Variants in KHDRBS3 observed in about 807,000 individuals in gnomAD.
The protein encoded by KHDRBS3 is KH RNA binding domain containing, signal transduction associated 3, also known as KH domain-containing, RNA-binding, signal transduction-associated protein 3.
KHDRBS3 carries 23 observed loss-of-function variants against 45.6 expected under a neutral mutation model. The observed-to-expected ratio is 0.50, with a 90% CI of 0.36 to 0.72. KHDRBS3 has a LOEUF of 0.72. KHDRBS3 is among the 30% of genes least tolerant of loss of function. The pLI, the probability that KHDRBS3 is intolerant of heterozygous loss-of-function variation, is 0.00. For missense variants in KHDRBS3, 352 were observed against 424.8 expected, an observed-to-expected ratio of 0.83 and a Z score of 1.51; for synonymous variants, 162 against 156.5, an observed-to-expected ratio of 1.04 and a Z score of -0.26.
chr8:135,458,720 T>A, intron 1 of KHDRBS3: 1 of 374,770 alleles, frequency 2.7e-6, no homozygotes, highest in East Asian at 7.3e-5. Context: ...GGTGGCTGGC[T>A]TGAGGTTCGG....
At chr8:135,590,201 A>G (rs1158519204) in intron 6 of KHDRBS3, among the ~76,000 whole-genome samples, 5 of 152,192 alleles carry the variant, frequency 3.3e-5, no homozygotes, top group African/African-American at 4.8e-5. Context: ...TTGTAACACA[A>G]TGGGGCATCT....
intron 7 of KHDRBS3, among the ~76,000 whole-genome samples, chr8:135,623,023 T>C (rs546555048): frequency 5.9e-5 from 9 of 152,352 alleles, no homozygotes; most frequent in African/African-American, 2.2e-4. Flanking sequence ...CAGTCTGTGC[T>C]AACAGTTCTC....
intron 4 of KHDRBS3, among the ~76,000 whole-genome samples, chr8:135,554,801 A>T (rs924614147): frequency 2.6e-5 from 4 of 152,114 alleles, no homozygotes; most frequent in South Asian, 2.1e-4. Flanking sequence ...CTTTTGAAAA[A>T]TTTTTTAAAA....
At chr8:135,461,392 C>G (rs555270320) in intron 1 of KHDRBS3, among the ~76,000 whole-genome samples, 70 of 152,226 alleles carry the variant, frequency 4.6e-4, no homozygotes, top group African/African-American at 1.7e-3. Flanking sequence ...TGTGAGCCAC[C>G]GTGCCTGGCC....
intron 2 of KHDRBS3, among the ~76,000 whole-genome samples, chr8:135,536,917 G>A (rs1282501701): frequency 2.5e-4 from 32 of 126,790 alleles, no homozygotes; most frequent in Non-Finnish European, 9.4e-5. Context: ...CCGAGATTGC[G>A]CCACTGCAGT....
At chr8:135,458,099 G>C in intron 1 of KHDRBS3, 145 bp downstream of exon 1, 3 of 1,392,304 alleles carry the variant, frequency 2.2e-6, no homozygotes, top group Non-Finnish European at 2.8e-6. Context: ...TCGTTTGCAC[G>C]GGGACCTGGG....
intron 2 of KHDRBS3, 91 bp downstream of exon 2, chr8:135,521,446 A>T (rs1824904796): frequency 1.4e-6 from 1 of 734,594 alleles, no homozygotes; most frequent in Non-Finnish European, 2.3e-6. Context: ...GTTTTTAGAG[A>T]TGTTTTCTCT....
At chr8:135,586,021 AT>A (rs1336580505) in intron 6 of KHDRBS3, among the ~76,000 whole-genome samples, 1 of 152,224 alleles carries the variant, frequency 6.6e-6, no homozygotes, top group African/African-American at 2.4e-5. Flanking sequence ...AATGAATAAG[AT>A]TAATTTTGTT....
At chr8:135,513,055 C>G (rs565343120) in intron 1 of KHDRBS3, among the ~76,000 whole-genome samples, 71 of 152,212 alleles carry the variant, frequency 4.7e-4, no homozygotes, top group Non-Finnish European at 8.5e-4. Flanking sequence ...AAAAAATTAG[C>G]TGGGCGCAGT....
intron 7 of KHDRBS3, among the ~76,000 whole-genome samples, chr8:135,617,053 C>T (rs77501068): frequency 0.038 from 5,722 of 151,952 alleles, 159 homozygotes; most frequent in Non-Finnish European, 0.053. Flanking sequence ...AGCTCTACGA[C>T]GTTGACTAGG....
chr8:135,585,355 C>T (rs551583601), intron 6 of KHDRBS3, among the ~76,000 whole-genome samples: 1 of 151,912 alleles, frequency 6.6e-6, no homozygotes, highest in South Asian at 2.1e-4. Flanking sequence ...GTTATTCATT[C>T]ATGCATCAAA....
At chr8:135,469,817 G>A (rs971980626) in intron 1 of KHDRBS3, among the ~76,000 whole-genome samples, 1 of 152,236 alleles carries the variant, frequency 6.6e-6, no homozygotes, top group South Asian at 2.1e-4. Context: ...GTGAGCCACC[G>A]CGCCCGGCCA....
chr8:135,615,788 T>G (rs1050452196), intron 7 of KHDRBS3, among the ~76,000 whole-genome samples: 1 of 152,146 alleles, frequency 6.6e-6, no homozygotes, highest in African/African-American at 2.4e-5. Flanking sequence ...ATACTGCATA[T>G]CCTGAGAGTT....
intron 1 of KHDRBS3, among the ~76,000 whole-genome samples, chr8:135,499,209 C>T (rs1823609238): frequency 6.6e-6 from 1 of 152,116 alleles, no homozygotes; most frequent in Non-Finnish European, 1.5e-5. Flanking sequence ...AATATAATGA[C>T]AATACATGTA....
intron 5 of KHDRBS3, among the ~76,000 whole-genome samples, chr8:135,562,483 A>G (rs933989618): frequency 1.3e-5 from 2 of 152,206 alleles, no homozygotes; most frequent in African/African-American, 4.8e-5. Context: ...ACACCTAAGG[A>G]GCTGTTCCTT....
chr8:135,529,275 A>C (rs1169350264), intron 2 of KHDRBS3, among the ~76,000 whole-genome samples: 2 of 152,190 alleles, frequency 1.3e-5, no homozygotes, highest in African/African-American at 4.8e-5. Context: ...TTCAGAAGCT[A>C]CATTTGTCCT....
At position 135,557,637 on chromosome 8, in the gene KHDRBS3, T is replaced by C. The variant is rs368539822; in HGVS notation, c.611+50T>C. The stretch of plus-strand genomic sequence containing the variant: ...TAACATACCGTGGCAGCAGTTTTAA[T>C]ATTTCCTTTATTAGTAGCCAAAACC... On this transcript the variant is annotated intron_variant, in intron 5 of 8. Transcript: ENST00000355849. 260 of 1,398,602 alleles carry C rather than the reference T, an allele frequency of 1.9e-4. 1 individual carries two copies. Among genetic ancestry groups the C allele is most frequent in the Admixed American group, 3.9e-4 (22 of 55,706 alleles). 86.6% of individuals were successfully genotyped at this position (1,398,602 alleles called of 1,614,324 possible).
At chr8:135,637,322 T>A (rs532637363) in intron 7 of KHDRBS3, among the ~76,000 whole-genome samples, 2 of 152,316 alleles carry the variant, frequency 1.3e-5, no homozygotes, top group South Asian at 4.1e-4. Context: ...TAAAAATTCC[T>A]AACGGTTATT....
At chr8:135,547,167 A>G (rs1477320532) in intron 3 of KHDRBS3, among the ~76,000 whole-genome samples, 1 of 152,180 alleles carries the variant, frequency 6.6e-6, no homozygotes, top group Non-Finnish European at 1.5e-5. Flanking sequence ...GCGTAAGATA[A>G]TGTTTTGTAT....
Sources: gnomAD v4.1 joint callset for allele counts (sites outside exome capture counted in the v4.1 genomes callset) on GRCh38, gnomAD v4.1.1 for gene constraint, MANE v1.5 for transcripts, NCBI Gene and HGNC (gene_info 2026-07-23, HGNC 2026-07-21) for gene names.